RAB37: variants seen among roughly 807,000 people sequenced by gnomAD.
RAB37 encodes the protein RAB37, member RAS oncogene family.
Under a neutral mutation model 33.1 loss-of-function variants are expected in RAB37, and 29 were observed. The ratio of observed to expected loss-of-function variants is 0.88; its 90% CI spans 0.65 to 1.20. The LOEUF is 1.20. RAB37 is among the 50% of genes most tolerant of loss of function. The pLI is 0.00. For missense variants in RAB37, 299 were observed against 301.1 expected, an observed-to-expected ratio of 0.99 and a Z score of 0.05; for synonymous variants, 128 against 119.5, an observed-to-expected ratio of 1.07 and a Z score of -0.47.
chr17:74,685,063 G>T (rs547171661), intron 1 of RAB37, among the ~76,000 whole-genome samples: 2 of 150,138 alleles, frequency 1.3e-5, no homozygotes, highest in South Asian at 4.2e-4. Context: ...AATGACACAT[G>T]TACCTACCAT....
intron 1 of RAB37, among the ~76,000 whole-genome samples, chr17:74,725,605 G>C (rs766431105): frequency 6.6e-6 from 1 of 151,886 alleles, no homozygotes; most frequent in African/African-American, 2.4e-5. Context: ...TAGGTAAAAA[G>C]CTCTTAGAGT....
intron 1 of RAB37, chr17:74,704,637 C>T (rs2033359941): frequency 1.2e-6 from 2 of 1,614,080 alleles, no homozygotes; most frequent in Admixed American, 1.7e-5. Flanking sequence ...TCCCTCTTCA[C>T]CTCCTGCTCT....
intron 1 of RAB37, among the ~76,000 whole-genome samples, chr17:74,702,525 C>T (rs541854082): frequency 7.2e-5 from 11 of 152,252 alleles, no homozygotes; most frequent in Admixed American, 6.5e-4. Context: ...AAACTATAGG[C>T]ATCACTGTTC....
At chr17:74,717,078 T>G (rs111632186) in intron 1 of RAB37, among the ~76,000 whole-genome samples, 10,054 of 152,244 alleles carry the variant, frequency 0.066, 428 homozygotes, top group East Asian at 0.16. Context: ...GAGGTTGCAG[T>G]GAGCTGAGAT....
rs915523999 is a variant in RAB37, at chr17:74,745,237, G to T, written c.567-69G>T. On this transcript the variant is annotated intron_variant, in intron 8 of 8. Coordinates refer to ENST00000392613, the MANE Select transcript of RAB37 (RefSeq NM_001006638.3). The surrounding 1 kb of genome is among the most constrained non-coding windows in gnomAD (Gnocchi z 4.5). ...GGGAGCACTGGGCCACTGGGAGAGG[G>T]GAGGGGGCGGCTCAGCTCCTCACCC... The T allele has an allele frequency of 6.5e-7, 1 of 1,546,704 alleles. No individual in the cohort carries two copies. Among genetic ancestry groups the T allele is most frequent in the Non-Finnish European group, 8.9e-7 (1 of 1,120,018 alleles).
At chr17:74,690,807 C>G (rs1222838458) in intron 1 of RAB37, among the ~76,000 whole-genome samples, 1 of 152,234 alleles carries the variant, frequency 6.6e-6, no homozygotes, top group Non-Finnish European at 1.5e-5. Flanking sequence ...TGGCTCATGA[C>G]TGTCAACCTA....
upstream of RAB37, chr17:74,736,781 G>T: frequency 1.3e-6 from 2 of 1,535,658 alleles, no homozygotes; most frequent in Non-Finnish European, 1.7e-6. Context: ...CTCGGGCCGG[G>T]TGACTTAACA....
At chr17:74,737,207 G>C, upstream of RAB37, 5 of 1,532,906 alleles carry the variant, frequency 3.3e-6, no homozygotes, top group Non-Finnish European at 2.6e-6. Flanking sequence ...GGCGGGGCGG[G>C]GGTGGGGCCG....
At chr17:74,695,301 T>A (rs766095230) in intron 1 of RAB37, 1 of 1,606,454 alleles carries the variant, frequency 6.2e-7, no homozygotes, top group Admixed American at 1.7e-5. Flanking sequence ...GAAGTGACGG[T>A]CACGGGGCAG....
chr17:74,672,293 ATAACAGTTT>A (rs113498165), intron 1 of RAB37, among the ~76,000 whole-genome samples: 124,185 of 151,510 alleles, frequency 0.82, 51,101 homozygotes, highest in Non-Finnish European at 0.86. Context: ...CTCTCTCAGG[ATAACAGTTT>A]TAATTCAAAA....
At chr17:74,674,384 G>GCC in intron 1 of RAB37, among the ~76,000 whole-genome samples, 1 of 151,466 alleles carries the variant, frequency 6.6e-6, no homozygotes, top group African/African-American at 2.4e-5. Context: ...CCCAGCGTGG[G>GCC]GAAATGATTT....
chr17:74,736,985 C>T, upstream of RAB37: 1 of 1,580,260 alleles, frequency 6.3e-7, no homozygotes, highest in Non-Finnish European at 8.6e-7. Flanking sequence ...AGCAAGCGAC[C>T]ACAGGGGACC....
intron 1 of RAB37, chr17:74,696,119 C>T: frequency 1.3e-6 from 2 of 1,536,324 alleles, no homozygotes; most frequent in Non-Finnish European, 1.8e-6. Context: ...TATTTTGGAC[C>T]TTCTGAGAGA....
intron 2 of RAB37, among the ~76,000 whole-genome samples, 185 bp downstream of exon 2, chr17:74,741,063 G>A (rs1160126725): frequency 6.6e-6 from 1 of 152,046 alleles, no homozygotes; most frequent in East Asian, 1.9e-4. Flanking sequence ...GGCAAGGTTG[G>A]CTCCTTGCCC....
At chr17:74,698,308 A>T in intron 1 of RAB37, 1 of 1,160,728 alleles carries the variant, frequency 8.6e-7, no homozygotes, top group Non-Finnish European at 1.3e-6. Context: ...GATAGCTCCC[A>T]GATGCCACAT....
In RAB37 at chr17:74,671,849, C is replaced by T. The variant is rs1011075720; in HGVS notation, c.72+191C>T. 4.6e-5 allele frequency among the ~76,000 whole-genome samples: 7 copies of T among 152,180 alleles called. No homozygotes were observed. Among genetic ancestry groups the T allele is most frequent in the African/African-American group, 1.7e-4 (7 of 41,444 alleles). On this transcript the variant is annotated intron_variant, in intron 1 of 7. Transcript: ENST00000340415. The surrounding 1 kb of genome is among the most constrained non-coding windows in gnomAD (Gnocchi z 5.0). ...TGCGTGAGCTCTTGGGGAAGGGCTG[C>T]CGCCAGAGGCTCAGATGGTCAGAAG... is the stretch of plus-strand genomic sequence containing the variant.
chr17:74,699,822 C>A (rs2032870946), intron 1 of RAB37, among the ~76,000 whole-genome samples: 1 of 152,042 alleles, frequency 6.6e-6, no homozygotes, highest in Non-Finnish European at 1.5e-5. Flanking sequence ...AACCAAACGT[C>A]AAAGCACACC....
intron 1 of RAB37, among the ~76,000 whole-genome samples, chr17:74,678,539 A>G (rs1037258115): frequency 3.9e-5 from 6 of 152,174 alleles, no homozygotes; most frequent in African/African-American, 1.4e-4. Context: ...GTTTCTACCC[A>G]TCAACATGAG....
chr17:74,731,036 G>T (rs973013776), intron 2 of RAB37, among the ~76,000 whole-genome samples: 2 of 152,238 alleles, frequency 1.3e-5, no homozygotes, highest in African/African-American at 4.8e-5. Context: ...ATGTTCTGGT[G>T]CATCTCAGGA....
Sources: gnomAD v4.1 joint callset for allele counts (sites outside exome capture counted in the v4.1 genomes callset) on GRCh38, gnomAD v4.1.1 for gene constraint, Gnocchi (gnomAD v3.1) non-coding constraint, MANE v1.5 for transcripts, NCBI Gene and HGNC (gene_info 2026-07-23, HGNC 2026-07-21) for gene names.